Variants in FRMD6 observed in about 807,000 individuals in gnomAD.
FRMD6 encodes the protein FERM domain containing 6, also known as FERM domain-containing protein 6.
Under a neutral mutation model 73.2 loss-of-function variants are expected in FRMD6, and 37 were observed. The observed-to-expected ratio is 0.51, with a 90% CI of 0.39 to 0.66. FRMD6 has a LOEUF of 0.66. FRMD6 is among the 30% of genes least tolerant of loss of function. The pLI, the probability that FRMD6 is intolerant of heterozygous loss-of-function variation, is 0.00. For synonymous variants in FRMD6, 273 were observed against 282.2 expected (o/e 0.97, Z 0.33); for missense variants, 714 against 780.5 (o/e 0.91, Z 1.02).
intron 2 of FRMD6, among the ~76,000 whole-genome samples, chr14:51,628,245 C>T (rs938693323): frequency 2.6e-5 from 4 of 152,162 alleles, no homozygotes; most frequent in Non-Finnish European, 5.9e-5. Context: ...CTGAATGCTA[C>T]TTTTAATATG....
intron 2 of FRMD6, among the ~76,000 whole-genome samples, chr14:51,597,482 A>C (rs1889783250): frequency 6.6e-6 from 1 of 152,140 alleles, no homozygotes; most frequent in South Asian, 2.1e-4. Context: ...GAGTGAGCAG[A>C]GGCCTAAGAT....
chr14:51,510,343 C>T (rs1271909088), intron 1 of FRMD6, among the ~76,000 whole-genome samples: 2 of 152,184 alleles, frequency 1.3e-5, no homozygotes, highest in East Asian at 3.8e-4. Context: ...TCTAAGGCCC[C>T]GTTTACCAAC....
chr14:51,498,447 T>C (rs965420826), intron 1 of FRMD6, among the ~76,000 whole-genome samples: 5 of 152,170 alleles, frequency 3.3e-5, no homozygotes, highest in Non-Finnish European at 7.4e-5. Flanking sequence ...TAACAAGTGA[T>C]TCCGACGCTT....
At chr14:51,458,607 A>C in the FRMD6 span, among the ~76,000 whole-genome samples, 1 of 152,238 alleles carries the variant, frequency 6.6e-6, no homozygotes, top group Non-Finnish European at 1.5e-5. Context: ...GATTATTTAT[A>C]ACTAGGAAAA....
intron 2 of FRMD6, among the ~76,000 whole-genome samples, chr14:51,610,659 A>G (rs1329564598): frequency 6.6e-6 from 1 of 152,214 alleles, no homozygotes; most frequent in African/African-American, 2.4e-5. Context: ...AATTCTCTAC[A>G]TAAGTCAAAA....
At chr14:51,597,224 T>G (rs529324401) in intron 2 of FRMD6, among the ~76,000 whole-genome samples, 4 of 152,306 alleles carry the variant, frequency 2.6e-5, no homozygotes, top group African/African-American at 9.6e-5. Context: ...GCTTATCTTA[T>G]GTTTAAAAAA....
At position 51,708,131 on chromosome 14, in the gene FRMD6, C is replaced by A; in HGVS notation, c.612C>A (p.His204Gln). Residue 204 changes from histidine (H) to glutamine (Q), a missense_variant, in exon 7 of 14, where the codon CAC becomes CAA. Transcript: ENST00000344768. ...DYILKHIPNM[H>Q]KDQFALTASE... The stretch of plus-strand genomic sequence containing the variant: ...TCCTGAAGCACATTCCAAACATGCA[C>A]AAAGATCAGTTTGCACTAACAGCTT... The A allele has an allele frequency of 6.2e-7, 1 of 1,613,270 alleles. No individual in the cohort carries two copies. Among genetic ancestry groups the A allele is most frequent in the Non-Finnish European group, 8.5e-7 (1 of 1,179,462 alleles).
At chr14:51,507,371 G>C (rs1262249026) in intron 1 of FRMD6, among the ~76,000 whole-genome samples, 1 of 151,746 alleles carries the variant, frequency 6.6e-6, no homozygotes, top group Non-Finnish European at 1.5e-5. Flanking sequence ...AGCAACATGT[G>C]CTTCCAGATC....
chr14:51,631,137 A>T (rs537374020), intron 2 of FRMD6, among the ~76,000 whole-genome samples: 5 of 152,170 alleles, frequency 3.3e-5, no homozygotes, highest in Non-Finnish European at 5.9e-5. Context: ...GAGAAGTTCC[A>T]GAATTAAACT....
the FRMD6 span, among the ~76,000 whole-genome samples, chr14:51,456,712 C>T: frequency 1.3e-5 from 2 of 152,088 alleles, no homozygotes; most frequent in Admixed American, 6.5e-5. Flanking sequence ...CGCATTTATG[C>T]AGCACTACTC....
intron 1 of FRMD6, among the ~76,000 whole-genome samples, chr14:51,532,094 C>T (rs1005162883): frequency 3.9e-5 from 6 of 152,108 alleles, no homozygotes; most frequent in African/African-American, 7.2e-5. Flanking sequence ...TGGGGCCAGG[C>T]GTGGTGGCTC....
At chr14:51,607,842 C>T (rs1594595441) in intron 2 of FRMD6, among the ~76,000 whole-genome samples, 1 of 152,330 alleles carries the variant, frequency 6.6e-6, no homozygotes, top group South Asian at 2.1e-4. Context: ...GCTGTGCTTG[C>T]GGTTGCGGTT....
intron 1 of FRMD6, among the ~76,000 whole-genome samples, chr14:51,521,528 T>C (rs997384424): frequency 6.6e-6 from 1 of 152,026 alleles, no homozygotes; most frequent in Non-Finnish European, 1.5e-5. Flanking sequence ...ATGTCTTTTG[T>C]CTTTCAGTAG....
the FRMD6 span, among the ~76,000 whole-genome samples, chr14:51,483,169 G>T: frequency 1.4e-4 from 21 of 152,184 alleles, no homozygotes; most frequent in African/African-American, 4.8e-4. Context: ...TATCTTCAGA[G>T]ATTTTTGATT....
chr14:51,728,606 G>T lies in FRMD6; in HGVS notation c.*577G>T. ...AGCCAAAGATACGTATGTGACAGAA[G>T]CACATAAGCAATAAGCAGAAAACCA... is the stretch of plus-strand genomic sequence containing the variant. On this transcript the variant is annotated 3_prime_UTR_variant, in exon 14 of 14. Transcript: ENST00000344768. 6.5e-6 allele frequency: 1 copy of T among 154,492 alleles called. No individual in the cohort carries two copies. The highest frequency in any genetic ancestry group is 1.4e-5 in the Non-Finnish European group (1 of 69,246). The allele number at this position is 154,492 out of a possible 1,614,324, so 9.6% of individuals were successfully genotyped here.
At position 51,729,646 on chromosome 14, in the gene FRMD6, A is replaced by G. The variant is rs1221243994; in HGVS notation, c.*1617A>G. On this transcript the variant is annotated 3_prime_UTR_variant, in exon 14 of 14. Transcript: ENST00000344768. ...AACAATCATATTTTTATACAAAATT[A>G]TGTTTTCAGGTAACGAAATAGATGT... The G allele has an allele frequency of 1.3e-5, 2 of 152,666 alleles. No homozygotes were observed. The highest frequency in any genetic ancestry group is 3.8e-4 in the East Asian group (2 of 5,200). 9.5% of individuals were successfully genotyped at this position (152,666 alleles called of 1,614,324 possible). A position where few individuals can be genotyped will look rare whatever the true frequency, so the allele number is the denominator to read the frequency against.
At chr14:51,417,084 C>T in the FRMD6 span, among the ~76,000 whole-genome samples, 1 of 152,134 alleles carries the variant, frequency 6.6e-6, no homozygotes. Context: ...ATACAGCACT[C>T]TGATAGGTCT....
intron 1 of FRMD6, among the ~76,000 whole-genome samples, chr14:51,506,118 T>A (rs1883947500): frequency 6.6e-6 from 1 of 152,216 alleles, no homozygotes; most frequent in South Asian, 2.1e-4. Flanking sequence ...CAGGCTTTGG[T>A]GACACTGCTT....
rs1469782479 is a variant in FRMD6 at position 51,645,746 on chromosome 14, G to A, written c.-146-43945G>A. 2.0e-5 allele frequency among the ~76,000 whole-genome samples: 3 copies of A among 151,966 alleles called. No homozygotes were observed. In the South Asian group the frequency reaches 6.2e-4, roughly 32 times the overall value. ...ATTACAGGCAGGAGCCACCACATTTGGCTTAGGATATCTTATTTGTACTTT... is the reference window on the plus strand; with the variant it reads ...ATTACAGGCAGGAGCCACCACATTTAGCTTAGGATATCTTATTTGTACTTT... On this transcript the variant is annotated intron_variant, in intron 2 of 14. Coordinates refer to the FRMD6 transcript ENST00000356218.
Sources: gnomAD v4.1 joint callset for allele counts (sites outside exome capture counted in the v4.1 genomes callset) on GRCh38, gnomAD v4.1.1 for gene constraint, MANE v1.5 for transcripts, NCBI Gene and HGNC (gene_info 2026-07-23, HGNC 2026-07-21) for gene names.